Variants in SHROOM4 observed in about 807,000 individuals in gnomAD.
The protein encoded by SHROOM4 is shroom family member 4.
In SHROOM4, 17 loss-of-function variants were observed where a neutral mutation model predicts 80.3. The ratio of observed to expected loss-of-function variants is 0.21; its 90% CI spans 0.14 to 0.32. The LOEUF (loss-of-function observed/expected upper bound fraction) is 0.32, where lower values mean the gene tolerates loss of function less well. Among genes scored for constraint, SHROOM4 ranks in the 10% least tolerant of loss-of-function variants. SHROOM4 has a pLI of 1.00. For missense variants in SHROOM4, 993 were observed against 1,140.3 expected (o/e 0.87, Z 1.86); for synonymous variants, 400 against 437.5 (o/e 0.91, Z 1.07).
chrX:50,655,113 C>T (rs781798086), intron 2 of SHROOM4, among the ~76,000 whole-genome samples: 2 of 108,796 alleles, frequency 1.8e-5, no homozygotes, highest in Non-Finnish European at 3.8e-5. Context: ...CTGCAAAGGA[C>T]GTGATTTCAT....
At chrX:50,658,938 T>C (rs1557259721) in intron 2 of SHROOM4, among the ~76,000 whole-genome samples, 1 of 111,410 alleles carries the variant, frequency 9.0e-6, no homozygotes, top group African/African-American at 3.3e-5. Context: ...TATGGAACAC[T>C]GAAGGAGCAT....
At chrX:50,807,260 A>G (rs1339530849) in intron 1 of SHROOM4, among the ~76,000 whole-genome samples, 13 of 112,276 alleles carry the variant, frequency 1.2e-4, no homozygotes, top group African/African-American at 4.2e-4. Context: ...CTGTGGATGC[A>G]AGACCTCCAG....
intron 1 of SHROOM4, among the ~76,000 whole-genome samples, chrX:50,804,911 C>A (rs782257870): frequency 9.1e-6 from 1 of 110,278 alleles, no homozygotes; most frequent in Non-Finnish European, 1.9e-5. Flanking sequence ...CCTTCCTGAT[C>A]GCCAATTTAA....
intron 1 of SHROOM4, among the ~76,000 whole-genome samples, chrX:50,795,081 T>TATATC (rs1557271939): frequency 1.4e-5 from 1 of 69,477 alleles, no homozygotes; most frequent in African/African-American, 7.7e-5. Context: ...ATATGATATA[T>TATATC]ATATATGATA....
chrX:50,739,244 G>A (rs1309720616), intron 1 of SHROOM4, among the ~76,000 whole-genome samples: 2 of 111,019 alleles, frequency 1.8e-5, no homozygotes, highest in Non-Finnish European at 3.8e-5. Flanking sequence ...GAAAACCTAG[G>A]CAATACCATT....
At chrX:50,577,872 G>T in the SHROOM4 span, among the ~76,000 whole-genome samples, 3 of 111,524 alleles carry the variant, frequency 2.7e-5, no homozygotes, top group Non-Finnish European at 5.6e-5. Flanking sequence ...AATCCCCAAA[G>T]TTGATGAGTT....
At position 50,596,640 on chromosome X, in the gene SHROOM4, T is replaced by C. The variant is rs1929126102; in HGVS notation, c.*55A>G. 2 of 1,196,010 alleles carry C rather than the reference T, an allele frequency of 1.7e-6. No homozygotes were observed. The highest frequency in any genetic ancestry group is 2.2e-5 in the Admixed American group (1 of 45,997). On this transcript the variant is annotated 3_prime_UTR_variant, in exon 9 of 9. Coordinates refer to ENST00000376020, the MANE Select transcript of SHROOM4 (RefSeq NM_020717.5). ...CTGAGAAACTGCTAACAAAGAAGAT[T>C]GAAAGCACTTCCCACATGGCTGGGC...
Position 50,795,137 on chromosome X carries a change from TATATATATG to T in SHROOM4, c.117+18756_117+18764del, listed in dbSNP as rs1935969744. ...ATGATATATATATATGATATATATA[TATATATATG>T]ATATATATATATATATATATGATAT... On this transcript the variant is annotated intron_variant, in intron 1 of 8. Transcript: ENST00000376020. 9.4e-3 allele frequency among the ~76,000 whole-genome samples: 25 copies of T among 2,668 alleles called. 3 individuals carry two copies. Among genetic ancestry groups the T allele is most frequent in the African/African-American group, 0.013 (24 of 1,792 alleles). 2.3% of individuals were successfully genotyped at this position (2,668 alleles called of 115,157 possible). A position where few individuals can be genotyped will look rare whatever the true frequency, so the allele number is the denominator to read the frequency against.
intron 2 of SHROOM4, among the ~76,000 whole-genome samples, chrX:50,642,143 A>G (rs1212831084): frequency 8.9e-6 from 1 of 112,647 alleles, no homozygotes; most frequent in Non-Finnish European, 1.9e-5. Flanking sequence ...GAATAGCCCT[A>G]GACTTGAAGT....
At chrX:50,806,353 T>G (rs2147742714) in intron 1 of SHROOM4, among the ~76,000 whole-genome samples, 1 of 112,304 alleles carries the variant, frequency 8.9e-6, no homozygotes, top group Admixed American at 9.4e-5. Context: ...CTTTTGCAAC[T>G]TCAGTGCGTG....
chrX:50,610,352 T>TCTCTCTCACACACACACACACACACACA (rs782591424), intron 5 of SHROOM4, among the ~76,000 whole-genome samples: 1 of 91,720 alleles, frequency 1.1e-5, no homozygotes, highest in African/African-American at 4.6e-5. Flanking sequence ...TCTCTCTCTC[T>TCTCTCTCACACACACACACACACACACA]CACACACACA....
In SHROOM4 at chrX:50,814,191, T is replaced by A; in HGVS notation, c.-173A>T. 2 of 435,257 alleles carry A rather than the reference T, an allele frequency of 4.6e-6. No homozygotes were observed. Among genetic ancestry groups the A allele is most frequent in the Non-Finnish European group, 4.1e-6 (1 of 245,750 alleles). The allele number at this position is 435,257 out of a possible 1,213,427, so 35.9% of individuals were successfully genotyped here. ...GCAGCGAGCGAGCGCAAGGAGGAAA[T>A]GACACGGAGCTGGAGAAAGGGGGAG... On this transcript the variant is annotated 5_prime_UTR_variant, in exon 1 of 9. Coordinates refer to ENST00000376020, the MANE Select transcript of SHROOM4 (RefSeq NM_020717.5).
downstream of SHROOM4, among the ~76,000 whole-genome samples, chrX:50,584,404 T>G (rs1476473864): frequency 8.9e-6 from 1 of 111,830 alleles, no homozygotes; most frequent in Non-Finnish European, 1.9e-5. Context: ...TAGGCATAGA[T>G]GGGCATGCAG....
intron 2 of SHROOM4, chrX:50,649,501 G>A (rs1557258379): frequency 8.9e-6 from 1 of 112,052 alleles, no homozygotes; most frequent in African/African-American, 3.2e-5. Flanking sequence ...CAGTCATATT[G>A]GCAATACTTT....
intron 2 of SHROOM4, among the ~76,000 whole-genome samples, chrX:50,642,289 C>G (rs782774176): frequency 1.5e-3 from 167 of 111,706 alleles, no homozygotes; most frequent in African/African-American, 5.3e-3. Context: ...TAAATGCAGT[C>G]CCATGTGTGA....
chrX:50,808,445 T>G (rs1456540254), intron 1 of SHROOM4, among the ~76,000 whole-genome samples: 1 of 111,549 alleles, frequency 9.0e-6, no homozygotes, highest in Admixed American at 9.5e-5. Flanking sequence ...CTCTCTTTAC[T>G]CTGAGATTCT....
intron 1 of SHROOM4, among the ~76,000 whole-genome samples, chrX:50,735,799 A>G (rs993642298): frequency 2.7e-4 from 30 of 111,033 alleles, no homozygotes; most frequent in African/African-American, 9.2e-4. Context: ...CGAGGTCAGG[A>G]GTTTGAGACC....
chrX:50,681,262 T>C (rs1932936587), intron 2 of SHROOM4, among the ~76,000 whole-genome samples: 2 of 111,336 alleles, frequency 1.8e-5, no homozygotes, highest in African/African-American at 3.3e-5. Flanking sequence ...ACTGTTCTGC[T>C]TAGAACTCTC....
chrX:50,780,714 C>T (rs1166033695), intron 1 of SHROOM4, among the ~76,000 whole-genome samples: 1 of 111,767 alleles, frequency 8.9e-6, no homozygotes, highest in Non-Finnish European at 1.9e-5. Flanking sequence ...CTAACTCACT[C>T]GATCTCTTTT....
Sources: gnomAD v4.1 joint callset for allele counts (sites outside exome capture counted in the v4.1 genomes callset) on GRCh38, gnomAD v4.1.1 for gene constraint, MANE v1.5 for transcripts, NCBI Gene and HGNC (gene_info 2026-07-23, HGNC 2026-07-21) for gene names.